The following MITD1 variants were observed in gnomAD, a reference collection of about 807,000 sequenced individuals.
The protein encoded by MITD1 is MIT domain-containing protein 1.
MITD1 carries 24 observed loss-of-function variants against 34.9 expected under a neutral mutation model. That is an observed-to-expected ratio of 0.69 (90% confidence interval 0.50 to 0.97). The LOEUF is 0.97. MITD1 is among the 50% of genes least tolerant of loss of function. MITD1 has a pLI of 0.00. For synonymous variants in MITD1, 102 were observed against 101.4 expected, an observed-to-expected ratio of 1.01 and a Z score of -0.04; for missense variants, 266 against 294.6, an observed-to-expected ratio of 0.90 and a Z score of 0.71.
chr2:99,180,776 C>T, intron 1 of MITD1, 55 bp downstream of exon 1: 1 of 1,475,478 alleles, frequency 6.8e-7, no homozygotes, highest in Non-Finnish European at 9.5e-7. Context: ...ACCCCAGACA[C>T]AGCAGGAACC....
exon 8 of MITD1, chr2:99,162,146 A>T: frequency 5.0e-6 from 8 of 1,614,086 alleles, no homozygotes; most frequent in Non-Finnish European, 6.8e-6. Flanking sequence ...AACCAATTCT[A>T]TTCTTTTGGC....
chr2:99,180,585 ATATCT>A, intron 1 of MITD1: 1 of 358,528 alleles, frequency 2.8e-6, no homozygotes, highest in South Asian at 5.2e-5. Flanking sequence ...ACATTGCGTT[ATATCT>A]TATATCTCTT....
chr2:99,173,768 G>T, intron 2 of MITD1, 147 bp downstream of exon 2: 1 of 664,102 alleles, frequency 1.5e-6, no homozygotes, highest in Non-Finnish European at 2.7e-6. Flanking sequence ...CTCCTGTATG[G>T]GAGTGGAAAT....
intron 1 of MITD1, among the ~76,000 whole-genome samples, chr2:99,177,689 G>A (rs1277093043): frequency 6.7e-6 from 1 of 148,300 alleles, no homozygotes; most frequent in Admixed American, 6.8e-5. Context: ...TTTTTTTTAA[G>A]AGAGGGTTTC....
At chr2:99,167,447 A>G (rs2093832091), downstream of MITD1, among the ~76,000 whole-genome samples, 1 of 152,210 alleles carries the variant, frequency 6.6e-6, no homozygotes, top group Non-Finnish European at 1.5e-5. Flanking sequence ...TAGAACTCCA[A>G]ATATCTAGAA....
rs767341226 is a variant in MITD1 at position 99,169,467 on chromosome 2, G to A, written c.658C>T (p.Arg220Cys). The A allele has an allele frequency of 1.5e-5, 24 of 1,607,000 alleles. No individual in the cohort carries two copies. Among genetic ancestry groups the A allele is most frequent in the South Asian group, 3.3e-5 (3 of 89,848 alleles). ...AAATCACAATATCCAAGGGAAAAACGACTCTAAGAAGAGAAGAAAAGAGTA... is the reference window on the plus strand; with the variant it reads ...AAATCACAATATCCAAGGGAAAAACAACTCTAAGAAGAGAAGAAAAGAGTA... ...GLDYFKKPQS[R>C]FSLGYCDFDL... Residue 220 changes from arginine (R) to cysteine (C), a missense_variant, in exon 7 of 7, where the codon CGT becomes TGT. By Grantham distance (180) the Arg-to-Cys change is radical. Transcript: ENST00000289359.
At chr2:99,167,432 G>T (rs573906095), downstream of MITD1, among the ~76,000 whole-genome samples, 11 of 152,172 alleles carry the variant, frequency 7.2e-5, no homozygotes, top group South Asian at 8.3e-4. Context: ...AATTAGATCT[G>T]GGGATAGAAC....
chr2:99,168,195 G>A (rs2093835749), downstream of MITD1, among the ~76,000 whole-genome samples: 1 of 152,172 alleles, frequency 6.6e-6, no homozygotes, highest in Admixed American at 6.6e-5. Context: ...AGGCTGGAGT[G>A]CAATGGCATG....
chr2:99,176,720 TAG>T (rs2093889866), intron 1 of MITD1, among the ~76,000 whole-genome samples: 8 of 152,164 alleles, frequency 5.3e-5, no homozygotes, highest in Non-Finnish European at 1.2e-4. Context: ...CAGCTGTCGT[TAG>T]TGTTAGTGTA....
downstream of MITD1, chr2:99,161,786 T>G: frequency 2.0e-6 from 1 of 499,956 alleles, no homozygotes; most frequent in Non-Finnish European, 3.5e-6. Context: ...TTATTTCTTT[T>G]GAATACTTGG....
intron 6 of MITD1, 25 bp downstream of exon 6, chr2:99,169,525 A>G: frequency 1.2e-6 from 2 of 1,602,700 alleles, no homozygotes; most frequent in East Asian, 2.2e-5. Context: ...AGTGCTACAC[A>G]TTTACTCATA....
intron 7 of MITD1, among the ~76,000 whole-genome samples, chr2:99,163,520 G>T (rs1287882803): frequency 6.6e-6 from 1 of 151,920 alleles, no homozygotes; most frequent in African/African-American, 2.4e-5. Flanking sequence ...TAGAGACAGG[G>T]TTTCACTGTG....
downstream of MITD1, among the ~76,000 whole-genome samples, chr2:99,167,164 C>T (rs1182214693): frequency 6.6e-6 from 1 of 152,018 alleles, no homozygotes; most frequent in African/African-American, 2.4e-5. Flanking sequence ...TATGCCCATA[C>T]ATTTTTAAGA....
chr2:99,172,625 G>A (rs2093865114), intron 2 of MITD1: 1 of 152,064 alleles, frequency 6.6e-6, no homozygotes, highest in Admixed American at 6.6e-5. Context: ...GCTCACACTT[G>A]TAATCCCAGC....
chr2:99,162,107 G>C (rs1574811310), exon 8 of MITD1: 3 of 1,613,954 alleles, frequency 1.9e-6, no homozygotes, highest in African/African-American at 2.7e-5. Context: ...TGGAAGACTG[G>C]ATCCATGACC....
At chr2:99,164,610 G>A (rs2093818255), downstream of MITD1, among the ~76,000 whole-genome samples, 1 of 152,144 alleles carries the variant, frequency 6.6e-6, no homozygotes, top group African/African-American at 2.4e-5. Context: ...CTCAGACTGG[G>A]GGTAGGGTGA....
chr2:99,176,394 C>T (rs1346723213), intron 1 of MITD1, among the ~76,000 whole-genome samples: 1 of 151,062 alleles, frequency 6.6e-6, no homozygotes, highest in Non-Finnish European at 1.5e-5. Context: ...GGCGCAATCT[C>T]GGCTTACTGC....
chr2:99,164,680 A>T (rs907523991), downstream of MITD1, among the ~76,000 whole-genome samples: 2 of 152,192 alleles, frequency 1.3e-5, no homozygotes, highest in African/African-American at 2.4e-5. Flanking sequence ...AGCAGGTTTA[A>T]TGGGCAGGTC....
chr2:99,162,190 A>G (rs866610439), exon 8 of MITD1: 1 of 1,614,154 alleles, frequency 6.2e-7, no homozygotes, highest in Non-Finnish European at 8.5e-7. Flanking sequence ...GGTAGGCATC[A>G]AAATCCTTGG....
Sources: gnomAD v4.1 joint callset for allele counts (sites outside exome capture counted in the v4.1 genomes callset) on GRCh38, gnomAD v4.1.1 for gene constraint, MANE v1.5 for transcripts, NCBI Gene and HGNC (gene_info 2026-07-23, HGNC 2026-07-21) for gene names.